The following ETV1 variants were observed in gnomAD, a reference collection of about 807,000 sequenced individuals.
ETV1 encodes ETS translocation variant 1.
A neutral mutation model predicts 62.3 loss-of-function variants in ETV1; 27 were observed. The ratio of observed to expected loss-of-function variants is 0.43; its 90% CI spans 0.32 to 0.60. ETV1 has a LOEUF of 0.60. ETV1 is among the 20% of genes least tolerant of loss of function. The probability of loss-of-function intolerance (pLI) is 0.06; values close to 1 mark genes in which losing one functional copy is unlikely to be tolerated. For missense variants in ETV1, 605 were observed against 605.8 expected, an observed-to-expected ratio of 1.00 and a Z score of 0.01; for synonymous variants, 222 against 199.6, an observed-to-expected ratio of 1.11 and a Z score of -0.94.
chr7:13,929,418 C>T (rs1293384543), intron 9 of ETV1, among the ~76,000 whole-genome samples: 1 of 152,196 alleles, frequency 6.6e-6, no homozygotes, highest in Non-Finnish European at 1.5e-5. Flanking sequence ...CCATAACAAC[C>T]TCTCAGCCAT....
intron 7 of ETV1, among the ~76,000 whole-genome samples, chr7:13,938,172 C>T (rs892686318): frequency 3.3e-5 from 5 of 152,042 alleles, no homozygotes; most frequent in Middle Eastern, 6.3e-3. Context: ...CTTGAACTCC[C>T]GACCTCAGGT....
intron 9 of ETV1, among the ~76,000 whole-genome samples, chr7:13,928,042 C>T (rs1455224363): frequency 3.3e-5 from 5 of 152,156 alleles, no homozygotes; most frequent in East Asian, 3.9e-4. Context: ...TACATACCTT[C>T]GACAAACGAT....
In ETV1 at chr7:13,909,717, AATAC is replaced by A; in HGVS notation, c.872-21_872-18del. The A allele has an allele frequency of 6.3e-7, 1 of 1,592,376 alleles. No individual in the cohort carries two copies. The highest frequency in any genetic ancestry group is 8.6e-7 in the Non-Finnish European group (1 of 1,160,606). ...ACATACAGCCTGTGGATGAAAAAGG[AATAC>A]ATTTATTCATGATAGAAATGAAGCT... On this transcript the variant is annotated intron_variant, in intron 10 of 13. Transcript: ENST00000430479.
At chr7:13,950,940 A>G (rs1788744383) in intron 6 of ETV1, among the ~76,000 whole-genome samples, 1 of 141,762 alleles carries the variant, frequency 7.1e-6, no homozygotes. Flanking sequence ...ACACACACAC[A>G]CAATATCGAG....
chr7:13,935,650 G>A lies in ETV1; in HGVS notation c.554+58C>T, dbSNP rs538930601. 16 of 1,470,916 alleles carry A rather than the reference G, an allele frequency of 1.1e-5. No homozygotes were observed. In the African/African-American group the frequency reaches 1.1e-4, roughly 10 times the overall value. The allele number at this position is 1,470,916 out of a possible 1,614,324, so 91.1% of individuals were successfully genotyped here. ...CTCTAGGCCTTCAGAATTGTTAATA[G>A]AAATTTTTTCCAAGAACGCAAAAAA... On this transcript the variant is annotated intron_variant, in intron 8 of 13. Transcript: ENST00000430479.
chr7:13,984,006 T>C (rs1257214786), intron 5 of ETV1, among the ~76,000 whole-genome samples: 1 of 151,834 alleles, frequency 6.6e-6, no homozygotes, highest in East Asian at 1.9e-4. Flanking sequence ...AATTTATGAA[T>C]AGTCTTACAG....
At chr7:13,929,065 T>G (rs942582154) in intron 9 of ETV1, among the ~76,000 whole-genome samples, 7 of 152,234 alleles carry the variant, frequency 4.6e-5, no homozygotes, top group Non-Finnish European at 1.0e-4. Context: ...CACATAAAGT[T>G]TCTTGAAATC....
In ETV1 at chr7:13,939,224, C is replaced by T. The variant is rs1787185286; in HGVS notation, c.258G>A (p.Leu86=). Residue 86 remains leucine, a synonymous_variant, in exon 7 of 14, where the codon CTG becomes CTA. Coordinates refer to ENST00000430479, the MANE Select transcript of ETV1 (RefSeq NM_004956.5). ...AESLAFHGLP[L]KIKKEPHSPC... is the part of the protein sequence containing the mutation. Reference sequence around the variant, plus strand: ...GACTGTGGGGTTCTTTCTTGATTTTCAGTGGCAGGCCATGAAAAGCCACTA... The same window carrying T: ...GACTGTGGGGTTCTTTCTTGATTTTTAGTGGCAGGCCATGAAAAGCCACTA... 1 of 1,607,896 alleles carries T rather than the reference C, an allele frequency of 6.2e-7. No individual in the cohort carries two copies. The highest frequency in any genetic ancestry group is 8.5e-7 in the Non-Finnish European group (1 of 1,178,612).
In ETV1 at chr7:13,938,264, A is replaced by G. The variant is rs114399714; in HGVS notation, c.365+853T>C. Among the ~76,000 whole-genome samples, 1,445 of 152,304 alleles carry G rather than the reference A, an allele frequency of 9.5e-3. 32 individuals carry two copies. The highest frequency in any genetic ancestry group is 0.033 in the African/African-American group (1,380 of 41,560). On this transcript the variant is annotated intron_variant, in intron 7 of 13. Coordinates refer to ENST00000430479, the MANE Select transcript of ETV1 (RefSeq NM_004956.5). Reference sequence around the variant, plus strand: ...CTGGCCTATGTTTCTAGAATCTTACATATCTTGGACATAAACAGCGTATGC... The same window carrying G: ...CTGGCCTATGTTTCTAGAATCTTACGTATCTTGGACATAAACAGCGTATGC...
chr7:13,946,465 T>C (rs1340377390), intron 6 of ETV1, among the ~76,000 whole-genome samples: 3 of 152,220 alleles, frequency 2.0e-5, no homozygotes, highest in African/African-American at 7.2e-5. Flanking sequence ...ACTTAACCAC[T>C]TCTTAATTCA....
At chr7:13,911,868 C>A (rs1240545157) in intron 9 of ETV1, among the ~76,000 whole-genome samples, 4 of 152,172 alleles carry the variant, frequency 2.6e-5, no homozygotes, top group African/African-American at 9.7e-5. Flanking sequence ...AATAGGGTTG[C>A]AGTATAGTTA....
intron 6 of ETV1, among the ~76,000 whole-genome samples, chr7:13,946,696 G>T (rs1788205526): frequency 6.6e-6 from 1 of 152,214 alleles, no homozygotes; most frequent in African/African-American, 2.4e-5. Flanking sequence ...AGCTTTGGTT[G>T]AGGGTAGATA....
chr7:13,979,996 G>A (rs1462120609), intron 5 of ETV1, among the ~76,000 whole-genome samples: 1 of 152,176 alleles, frequency 6.6e-6, no homozygotes, highest in East Asian at 1.9e-4. Context: ...GTTATACCTC[G>A]CAAATATACA....
At chr7:13,949,131 TA>T (rs919232041) in intron 6 of ETV1, among the ~76,000 whole-genome samples, 18 of 150,818 alleles carry the variant, frequency 1.2e-4, no homozygotes, top group African/African-American at 2.7e-4. Context: ...AAAGTGCTTG[TA>T]AAAAAAAATT....
intron 6 of ETV1, among the ~76,000 whole-genome samples, chr7:13,951,848 T>C (rs1431041638): frequency 1.3e-5 from 2 of 152,142 alleles, no homozygotes; most frequent in African/African-American, 4.8e-5. Flanking sequence ...TGATAGTAGC[T>C]GACATGTGGC....
chr7:13,969,226 T>A (rs1468836186), intron 6 of ETV1, among the ~76,000 whole-genome samples: 1 of 152,180 alleles, frequency 6.6e-6, no homozygotes, highest in East Asian at 1.9e-4. Context: ...CAATCAGCAA[T>A]GACTTTCTCA....
At position 13,891,769 on chromosome 7, in the gene ETV1, C is replaced by T. The variant is rs899829052; in HGVS notation, c.*4097G>A. Reference sequence around the variant, plus strand: ...ACATTTGCCTTCTTTATATTTTTTCCACCATCACTTTTACCCAATTTGTAT... The same window carrying T: ...ACATTTGCCTTCTTTATATTTTTTCTACCATCACTTTTACCCAATTTGTAT... On this transcript the variant is annotated 3_prime_UTR_variant, in exon 14 of 14. Coordinates refer to ENST00000430479, the MANE Select transcript of ETV1 (RefSeq NM_004956.5). 2.2e-5 allele frequency: 5 copies of T among 231,648 alleles called. No homozygotes were observed. Among genetic ancestry groups the T allele is most frequent in the Non-Finnish European group, 4.3e-5 (5 of 117,230 alleles). The allele number at this position is 231,648 out of a possible 1,614,324, so 14.3% of individuals were successfully genotyped here.
upstream of ETV1, chr7:13,990,551 AC>A (rs1359894157): frequency 6.6e-6 from 1 of 152,128 alleles, no homozygotes; most frequent in Non-Finnish European, 1.5e-5. Flanking sequence ...GGTGTCACTT[AC>A]TGTACTTGAC....
chr7:13,949,447 G>A (rs1452540821), intron 6 of ETV1, among the ~76,000 whole-genome samples: 2 of 152,140 alleles, frequency 1.3e-5, no homozygotes, highest in African/African-American at 4.8e-5. Flanking sequence ...GGTGTCACAT[G>A]CTTTGTGAAT....
Sources: gnomAD v4.1 joint callset for allele counts (sites outside exome capture counted in the v4.1 genomes callset) on GRCh38, gnomAD v4.1.1 for gene constraint, MANE v1.5 for transcripts, NCBI Gene and HGNC (gene_info 2026-07-23, HGNC 2026-07-21) for gene names.